The following TMEM114 variants were observed in gnomAD, a reference collection of about 807,000 sequenced individuals.
TMEM114 encodes claudin-26.
TMEM114 carries 6 observed loss-of-function variants against 6.2 expected under a neutral mutation model. The observed-to-expected ratio is 0.97, with a 90% CI of 0.53 to 1.91. TMEM114 has a LOEUF of 1.91. TMEM114 is among the 40% of genes most tolerant of loss of function. The pLI, the probability that TMEM114 is intolerant of heterozygous loss-of-function variation, is 0.01. For synonymous variants in TMEM114, 104 were observed against 73.0 expected (o/e 1.42, Z -2.16); for missense variants, 218 against 158.3 (o/e 1.38, Z -2.02).
chr16:8,582,275 A>C lies in TMEM114; in HGVS notation c.301+6938T>G, dbSNP rs574321016. Among the ~76,000 whole-genome samples, 6 of 152,044 alleles carry C rather than the reference A, an allele frequency of 3.9e-5. No individual in the cohort carries two copies. The East Asian group carries it at 7.7e-4, about 20-fold the overall frequency. On this transcript the variant is annotated intron_variant, in intron 2 of 3. Coordinates refer to ENST00000620492, the MANE Select transcript of TMEM114 (RefSeq NM_001146336.2). ...TCTCTTATGGGCTCTTAGGAGACAC[A>C]GCTGAGGTAAGACATAGAAAAAAAA...
Position 8,585,431 on chromosome 16 carries a change from C to T in TMEM114, c.301+3782G>A, listed in dbSNP as rs80144678. ...TTTCTTAGAGGAAAAATCAAGGTTT[C>T]TTCCCATACACCCCCACCAGGATTT... is the stretch of plus-strand genomic sequence containing the variant. On this transcript the variant is annotated intron_variant, in intron 2 of 3. Coordinates refer to ENST00000620492, the MANE Select transcript of TMEM114 (RefSeq NM_001146336.2). 2.0e-5 allele frequency among the ~76,000 whole-genome samples: 3 copies of T among 152,166 alleles called. No homozygotes were observed. The East Asian group carries it at 5.8e-4, about 29-fold the overall frequency.
intron 2 of TMEM114, among the ~76,000 whole-genome samples, chr16:8,543,623 T>C (rs2141651425): frequency 6.6e-6 from 1 of 152,202 alleles, no homozygotes; most frequent in South Asian, 2.1e-4. Context: ...CTCCAGAGCC[T>C]TCCTTTCTCA....
downstream of TMEM114, among the ~76,000 whole-genome samples, chr16:8,536,419 G>T (rs1277831356): frequency 6.6e-6 from 1 of 152,072 alleles, no homozygotes; most frequent in Non-Finnish European, 1.5e-5. Flanking sequence ...GAACATCCTT[G>T]TCTCTAAAAT....
At chr16:8,544,197 G>A (rs1180183758) in intron 2 of TMEM114, among the ~76,000 whole-genome samples, 2 of 152,338 alleles carry the variant, frequency 1.3e-5, no homozygotes, top group South Asian at 2.1e-4. Flanking sequence ...ACCAAGTAAA[G>A]CATATATGCA....
intron 2 of TMEM114, among the ~76,000 whole-genome samples, chr16:8,559,180 C>A (rs1421736449): frequency 6.6e-6 from 1 of 152,000 alleles, no homozygotes; most frequent in South Asian, 2.1e-4. Flanking sequence ...TTAGCTGGGA[C>A]TATACGCATG....
chr16:8,545,067 T>C (rs917667610), intron 2 of TMEM114, among the ~76,000 whole-genome samples: 7 of 152,182 alleles, frequency 4.6e-5, no homozygotes, highest in African/African-American at 9.7e-5. Flanking sequence ...TCTTGTCTTT[T>C]GTTTCATCAG....
intron 2 of TMEM114, among the ~76,000 whole-genome samples, chr16:8,576,306 A>G (rs1901927075): frequency 6.6e-6 from 1 of 152,150 alleles, no homozygotes; most frequent in South Asian, 2.1e-4. Context: ...AAACCTCCAC[A>G]TCCTCAGACC....
At chr16:8,531,086 C>A in the TMEM114 span, among the ~76,000 whole-genome samples, 1 of 151,936 alleles carries the variant, frequency 6.6e-6, no homozygotes, top group Non-Finnish European at 1.5e-5. Context: ...AAAGGGAGGC[C>A]CATTGCAGCC....
downstream of TMEM114, among the ~76,000 whole-genome samples, chr16:8,567,032 C>G (rs1468986322): frequency 1.3e-5 from 2 of 150,528 alleles, no homozygotes; most frequent in East Asian, 3.9e-4. Context: ...TCCCAAGTAG[C>G]TGGGATTACA....
chr16:8,562,124 ATGAG>A (rs562759315), intron 2 of TMEM114, among the ~76,000 whole-genome samples: 6 of 140,130 alleles, frequency 4.3e-5, no homozygotes, highest in East Asian at 4.3e-4. Flanking sequence ...AAGTAAGTGA[ATGAG>A]TGAGTGAATG....
downstream of TMEM114, among the ~76,000 whole-genome samples, chr16:8,564,726 T>G (rs1901466709): frequency 6.8e-6 from 1 of 147,914 alleles, no homozygotes; most frequent in African/African-American, 2.5e-5. Context: ...AGTAAATGAG[T>G]GAGTGAGGGA....
At chr16:8,544,807 T>C (rs897878841) in intron 2 of TMEM114, among the ~76,000 whole-genome samples, 5 of 152,208 alleles carry the variant, frequency 3.3e-5, no homozygotes, top group African/African-American at 1.2e-4. Flanking sequence ...CAATCAAATT[T>C]ACAGACATTT....
intron 2 of TMEM114, among the ~76,000 whole-genome samples, chr16:8,572,597 A>G (rs1476268124): frequency 6.6e-6 from 1 of 152,148 alleles, no homozygotes; most frequent in Non-Finnish European, 1.5e-5. Context: ...AACCACACCC[A>G]GCTAATTTTT....
intron 2 of TMEM114, among the ~76,000 whole-genome samples, chr16:8,548,505 C>T (rs1271937027): frequency 6.6e-6 from 1 of 152,056 alleles, no homozygotes; most frequent in Non-Finnish European, 1.5e-5. Flanking sequence ...CCACACACAC[C>T]CTTGAAATAA....
At chr16:8,574,696 C>G (rs1901859185) in intron 2 of TMEM114, among the ~76,000 whole-genome samples, 1 of 152,098 alleles carries the variant, frequency 6.6e-6, no homozygotes, top group Non-Finnish European at 1.5e-5. Context: ...ACCATCATCT[C>G]AGACTGTGGC....
intron 2 of TMEM114, among the ~76,000 whole-genome samples, chr16:8,563,909 GT>G (rs1901401531): frequency 2.0e-5 from 3 of 150,206 alleles, no homozygotes; most frequent in African/African-American, 7.5e-5. Context: ...GAATGAGTGA[GT>G]GAGGGAATGA....
intron 2 of TMEM114, among the ~76,000 whole-genome samples, chr16:8,572,498 C>G (rs995979468): frequency 6.6e-6 from 1 of 152,156 alleles, no homozygotes; most frequent in African/African-American, 2.4e-5. Context: ...TACAGTGGCA[C>G]GACCATGGCT....
At chr16:8,561,886 G>GAGTC (rs1239841703) in intron 2 of TMEM114, among the ~76,000 whole-genome samples, 16 of 142,218 alleles carry the variant, frequency 1.1e-4, no homozygotes, top group Non-Finnish European at 2.1e-4. Flanking sequence ...GTGAATGAGT[G>GAGTC]AGTGAATGAG....
chr16:8,550,674 G>A (rs372060372), intron 2 of TMEM114, among the ~76,000 whole-genome samples: 4 of 130,934 alleles, frequency 3.1e-5, no homozygotes, highest in South Asian at 5.1e-4. Flanking sequence ...GCAAAACTTC[G>A]TCAAAAAAAA....
Sources: allele counts gnomAD v4.1 joint callset (sites outside exome capture counted in the v4.1 genomes callset), GRCh38; gene constraint gnomAD v4.1.1; transcripts MANE v1.5; gene names NCBI Gene and HGNC (gene_info 2026-07-23, HGNC 2026-07-21).